MYO7B: variants seen among roughly 807,000 people sequenced by gnomAD.
MYO7B encodes myosin VIIB.
A neutral mutation model predicts 259.7 loss-of-function variants in MYO7B; 212 were observed. That is an observed-to-expected ratio of 0.82 (90% CI 0.73 to 0.91). The LOEUF is 0.91. Among genes scored for constraint, MYO7B ranks in the 40% least tolerant of loss-of-function variants. MYO7B has a pLI of 0.00. For synonymous variants in MYO7B, 1,197 were observed against 1,166.4 expected, an observed-to-expected ratio of 1.03 and a Z score of -0.54; for missense variants, 2,732 against 2,813.5, an observed-to-expected ratio of 0.97 and a Z score of 0.66.
chr2:127,588,820 T>G, intron 15 of MYO7B, among the ~76,000 whole-genome samples: 1 of 125,594 alleles, frequency 8.0e-6, no homozygotes, highest in Non-Finnish European at 1.7e-5. Flanking sequence ...GATGGATGGG[T>G]GGGTGAGTGG....
chr2:127,608,987 C>G (rs1319380291), intron 22 of MYO7B, 109 bp downstream of exon 22: 2 of 1,372,200 alleles, frequency 1.5e-6, no homozygotes, highest in Non-Finnish European at 2.0e-6. Context: ...GAGCGGTGGC[C>G]AAGTGTGTGC....
rs1340069981 is a variant in MYO7B, at chr2:127,539,968, A to G, written c.-24+4137A>G. 6.6e-6 allele frequency among the ~76,000 whole-genome samples: 1 copy of G among 152,208 alleles called. No individual in the cohort carries two copies. Among genetic ancestry groups the G allele is most frequent in the Non-Finnish European group, 1.5e-5 (1 of 68,040 alleles). ...TTTCTGAGTTACTTCACTTAGAATA[A>G]TGGCCTCCAGCTCCATCCAAGTAGC... On this transcript the variant is annotated intron_variant, in intron 1 of 47. Transcript: ENST00000409816. This position sits in a 1 kb window ranked among gnomAD's most constrained non-coding sequence, Gnocchi z 4.0.
chr2:127,548,536 C>T (rs1693323938), intron 1 of MYO7B, among the ~76,000 whole-genome samples: 1 of 151,948 alleles, frequency 6.6e-6, no homozygotes, highest in Non-Finnish European at 1.5e-5. Context: ...CTGCCTCAGC[C>T]TCCTGAGTAG....
chr2:127,574,178 C>T, intron 7 of MYO7B, 116 bp downstream of exon 7: 2 of 1,303,216 alleles, frequency 1.5e-6, no homozygotes, highest in Non-Finnish European at 2.1e-6. Context: ...TCCCAGAACC[C>T]ACAGGCCTCA....
chr2:127,581,831 C>A (rs1679112641), intron 10 of MYO7B, 60 bp from the exon 11 acceptor site: 3 of 1,605,610 alleles, frequency 1.9e-6, no homozygotes, highest in South Asian at 1.1e-5. Context: ...AGAAGCAGGT[C>A]AGAGTGCTGG....
rs560053465 is a variant in MYO7B, at chr2:127,627,723, G to T, written c.4460+413G>T. ...GTGTCCTGGGGCACAGGGCAGGGCT[G>T]GGGGTCCTCTTAGGCTGGGGCTGAC... On this transcript the variant is annotated intron_variant, in intron 33 of 47. Coordinates refer to ENST00000409816, the MANE Select transcript of MYO7B (RefSeq NM_001393586.1). This position sits in a 1 kb window ranked among gnomAD's most constrained non-coding sequence, Gnocchi z 5.6. 2 of 459,908 alleles carry T rather than the reference G, an allele frequency of 4.3e-6. No homozygotes were observed. Among genetic ancestry groups the T allele is most frequent in the Admixed American group, 4.7e-5 (2 of 42,640 alleles). 28.5% of individuals were successfully genotyped at this position (459,908 alleles called of 1,614,324 possible).
chr2:127,631,013 T>G, intron 36 of MYO7B, 105 bp downstream of exon 36: 1 of 1,368,968 alleles, frequency 7.3e-7, no homozygotes, highest in Non-Finnish European at 9.9e-7. Flanking sequence ...TTGCACCCAC[T>G]GAGAGCTGCA....
chr2:127,536,753 G>T (rs1438209500), intron 1 of MYO7B, among the ~76,000 whole-genome samples: 1 of 152,156 alleles, frequency 6.6e-6, no homozygotes, highest in Non-Finnish European at 1.5e-5. Context: ...CCTGCACTTT[G>T]TTTAGGATTT....
At chr2:127,624,698 C>T (rs1681018094) in intron 30 of MYO7B, among the ~76,000 whole-genome samples, 1 of 152,256 alleles carries the variant, frequency 6.6e-6, no homozygotes, top group Non-Finnish European at 1.5e-5. Flanking sequence ...CCTGTCACCG[C>T]AGAGCCCTGG....
chr2:127,593,447 G>T (rs769971098), intron 17 of MYO7B, 99 bp from the exon 18 acceptor site: 54 of 1,208,604 alleles, frequency 4.5e-5, no homozygotes, highest in Admixed American at 1.3e-4. Context: ...AGCCCCTGAT[G>T]GGGGAGCCTG....
chr2:127,610,022 TGGG>T lies in MYO7B; in HGVS notation c.3192+10_3192+12del. 3 of 1,608,140 alleles carry T rather than the reference TGGG, an allele frequency of 1.9e-6. No homozygotes were observed. The highest frequency in any genetic ancestry group is 1.3e-5 in the African/African-American group (1 of 74,824). On this transcript the variant is annotated splice_region_variant and intron_variant, in intron 24 of 47. Transcript: ENST00000409816. ...AGCACAGTAGATCTGCACAGGCAAG[TGGG>T]GGGCAGCAGCGGGCAGAGGAGGGCG...
At chr2:127,589,237 G>A (rs1295826461) in intron 15 of MYO7B, among the ~76,000 whole-genome samples, 6 of 144,444 alleles carry the variant, frequency 4.2e-5, no homozygotes, top group East Asian at 2.1e-4. Context: ...ATAGATGGAC[G>A]GGCAGGTGGC....
Position 127,573,316 on chromosome 2 carries a change from G to A in MYO7B, c.593-604G>A, listed in dbSNP as rs780870716. Among the ~76,000 whole-genome samples, 4 of 152,312 alleles carry A rather than the reference G, an allele frequency of 2.6e-5. No homozygotes were observed. In the South Asian group the frequency reaches 6.2e-4, roughly 24 times the overall value. Reference sequence around the variant, plus strand: ...TTTTGTTCTAACTTTGTGTGTGCAGGTGGACATGTGTATATACTAGGATGT... The same window carrying A: ...TTTTGTTCTAACTTTGTGTGTGCAGATGGACATGTGTATATACTAGGATGT... On this transcript the variant is annotated intron_variant, in intron 6 of 47. Coordinates refer to ENST00000409816, the MANE Select transcript of MYO7B (RefSeq NM_001393586.1).
At chr2:127,536,171 G>A (rs903331906) in intron 1 of MYO7B, among the ~76,000 whole-genome samples, 3 of 152,156 alleles carry the variant, frequency 2.0e-5, no homozygotes, top group African/African-American at 7.2e-5. Context: ...GCCTCACTGT[G>A]GAATCATGGG....
At chr2:127,561,193 T>G (rs567543698) in intron 2 of MYO7B, among the ~76,000 whole-genome samples, 1 of 152,112 alleles carries the variant, frequency 6.6e-6, no homozygotes, top group Non-Finnish European at 1.5e-5. Context: ...AAAACACCTC[T>G]TGGGGCCCTA....
Position 127,627,670 on chromosome 2 carries a change from G to A in MYO7B, c.4460+360G>A. 1 of 464,868 alleles carries A rather than the reference G, an allele frequency of 2.2e-6. No homozygotes were observed. Among genetic ancestry groups the A allele is most frequent in the South Asian group, 1.5e-5 (1 of 64,632 alleles). The allele number at this position is 464,868 out of a possible 1,614,324, so 28.8% of individuals were successfully genotyped here. A position where few individuals can be genotyped will look rare whatever the true frequency, so the allele number is the denominator to read the frequency against. On this transcript the variant is annotated intron_variant, in intron 33 of 47. Coordinates refer to ENST00000409816, the MANE Select transcript of MYO7B (RefSeq NM_001393586.1). The surrounding 1 kb of genome is among the most constrained non-coding windows in gnomAD (Gnocchi z 5.6). ...GTGGCCTGGAGGGTACAGGTTGTCT[G>A]GGAAGGCGACAAGGGACAGTGCCTG... is the stretch of plus-strand genomic sequence containing the variant.
intron 1 of MYO7B, among the ~76,000 whole-genome samples, chr2:127,536,178 T>C (rs1349245746): frequency 7.2e-5 from 11 of 152,296 alleles, no homozygotes; most frequent in Admixed American, 6.5e-5. Flanking sequence ...TGTGGAATCA[T>C]GGGACATCAT....
rs773296158 is a variant in MYO7B at position 127,637,422 on chromosome 2, G to A, written c.*5G>A. On this transcript the variant is annotated 3_prime_UTR_variant, in exon 48 of 48. Coordinates refer to ENST00000409816, the MANE Select transcript of MYO7B (RefSeq NM_001393586.1). Reference sequence around the variant, plus strand: ...CCAGCCCTGGCCAGCACCTAGCAGCGGATGCTGGCGTGTCTGCTCAGGCGC... The same window carrying A: ...CCAGCCCTGGCCAGCACCTAGCAGCAGATGCTGGCGTGTCTGCTCAGGCGC... The A allele has an allele frequency of 3.5e-5, 53 of 1,506,174 alleles. No individual in the cohort carries two copies. Among genetic ancestry groups the A allele is most frequent in the South Asian group, 9.2e-5 (7 of 75,682 alleles). The allele number at this position is 1,506,174 out of a possible 1,614,324, so 93.3% of individuals were successfully genotyped here. A position where few individuals can be genotyped will look rare whatever the true frequency, so the allele number is the denominator to read the frequency against.
chr2:127,580,944 T>C, intron 10 of MYO7B, 122 bp downstream of exon 10: 1 of 979,664 alleles, frequency 1.0e-6, no homozygotes, highest in Non-Finnish European at 1.6e-6. Flanking sequence ...CCAGGGCCTA[T>C]GCTCAAACCC....
Sources: gnomAD v4.1 joint callset for allele counts (sites outside exome capture counted in the v4.1 genomes callset) on GRCh38, gnomAD v4.1.1 for gene constraint, Gnocchi (gnomAD v3.1) non-coding constraint, MANE v1.5 for transcripts, NCBI Gene and HGNC (gene_info 2026-07-23, HGNC 2026-07-21) for gene names.